The following PLCB1 variants were observed in gnomAD, a reference collection of about 807,000 sequenced individuals.
PLCB1 encodes the protein 1-phosphatidylinositol 4,5-bisphosphate phosphodiesterase beta-1.
PLCB1 carries 46 observed loss-of-function variants against 161.8 expected under a neutral mutation model. The ratio of observed to expected loss-of-function variants is 0.28; its 90% CI spans 0.22 to 0.36. PLCB1 has a LOEUF of 0.36. PLCB1 is among the 10% of genes least tolerant of loss of function. PLCB1 has a pLI of 1.00. For missense variants in PLCB1, 1,016 were observed against 1,472.5 expected (o/e 0.69, Z 5.07); for synonymous variants, 517 against 503.7 (o/e 1.03, Z -0.35).
At chr20:8,864,435 A>G (rs1179436723) in intron 31 of PLCB1, among the ~76,000 whole-genome samples, 1 of 152,132 alleles carries the variant, frequency 6.6e-6, no homozygotes. Context: ...ACATTCTCCT[A>G]CTAGTCTTGG....
chr20:8,866,166 A>G (rs1234156276), intron 31 of PLCB1, among the ~76,000 whole-genome samples: 1 of 152,240 alleles, frequency 6.6e-6, no homozygotes, highest in Non-Finnish European at 1.5e-5. Flanking sequence ...GCACAGTTAC[A>G]TCACCACACT....
chr20:8,527,035 T>C (rs939522580), intron 3 of PLCB1, among the ~76,000 whole-genome samples: 5 of 152,066 alleles, frequency 3.3e-5, no homozygotes, highest in Admixed American at 1.3e-4. Flanking sequence ...TGGTCTCTAG[T>C]GTAGTTATGG....
chr20:8,381,302 G>A (rs994301708), intron 3 of PLCB1, among the ~76,000 whole-genome samples: 6 of 152,164 alleles, frequency 3.9e-5, no homozygotes, highest in East Asian at 3.8e-4. Flanking sequence ...TGTCTTGATC[G>A]TAGTGGATAA....
chr20:8,672,567 T>C (rs1600241224), intron 9 of PLCB1, among the ~76,000 whole-genome samples: 1 of 152,224 alleles, frequency 6.6e-6, no homozygotes. Flanking sequence ...GGGCATTTCC[T>C]AGCTAACCAT....
At chr20:8,523,496 C>CTCTCTCTCTATATATATATATA in intron 3 of PLCB1, among the ~76,000 whole-genome samples, 17 of 51,652 alleles carry the variant, frequency 3.3e-4, no homozygotes, top group Non-Finnish European at 4.9e-4. Flanking sequence ...CTCTCTCTCT[C>CTCTCTCTCTATATATATATATA]TATATATATA....
chr20:8,832,842 G>T (rs914341620), intron 31 of PLCB1, among the ~76,000 whole-genome samples: 39 of 152,136 alleles, frequency 2.6e-4, no homozygotes, highest in Non-Finnish European at 1.2e-4. Context: ...CCCTGCGAGG[G>T]TTTAGTTGTC....
At chr20:8,382,221 T>C (rs988599242) in intron 3 of PLCB1, among the ~76,000 whole-genome samples, 1 of 151,996 alleles carries the variant, frequency 6.6e-6, no homozygotes, top group African/African-American at 2.4e-5. Context: ...TACCCAGGAG[T>C]CATTCAGGAG....
rs959542952 is a variant in PLCB1 at position 8,761,967 on chromosome 20, G to A, written c.2710+1507G>A. Among the ~76,000 whole-genome samples the A allele has an allele frequency of 8.7e-5, 12 of 137,540 alleles. No homozygotes were observed. In the South Asian group the frequency reaches 1.1e-3, roughly 13 times the overall value. 90.2% of individuals were successfully genotyped at this position (137,540 alleles called of 152,430 possible). ...CTCACGCCTGTAATCCCAGTACCTG[G>A]GGAGGCCAAGGGGGGGGCGGATCAC... On this transcript the variant is annotated intron_variant, in intron 25 of 31. Coordinates refer to ENST00000338037, the MANE Select transcript of PLCB1 (RefSeq NM_015192.4).
intron 12 of PLCB1, among the ~76,000 whole-genome samples, chr20:8,708,968 T>C (rs1978844582): frequency 6.6e-6 from 1 of 152,202 alleles, no homozygotes; most frequent in African/African-American, 2.4e-5. Flanking sequence ...TTTCATACCA[T>C]AGTATGGTTT....
chr20:8,232,413 T>A (rs903707390), intron 2 of PLCB1, among the ~76,000 whole-genome samples: 3 of 152,146 alleles, frequency 2.0e-5, no homozygotes. Flanking sequence ...ATTCTTGATT[T>A]GAAAGCTGTA....
intron 2 of PLCB1, among the ~76,000 whole-genome samples, chr20:8,180,013 T>C (rs752752153): frequency 6.0e-5 from 9 of 151,226 alleles, no homozygotes; most frequent in East Asian, 1.9e-4. Context: ...TGCCCGCCAC[T>C]ACGCCCGGCT....
At chr20:8,329,908 C>A (rs1271866537) in intron 2 of PLCB1, among the ~76,000 whole-genome samples, 1 of 152,158 alleles carries the variant, frequency 6.6e-6, no homozygotes, top group African/African-American at 2.4e-5. Context: ...ATGTGTATTT[C>A]TATAGGCGTT....
intron 3 of PLCB1, among the ~76,000 whole-genome samples, chr20:8,444,307 G>A (rs569454181): frequency 1.1e-4 from 16 of 151,288 alleles, no homozygotes; most frequent in Non-Finnish European, 1.8e-4. Flanking sequence ...TTTTGTCCTT[G>A]CGATAGTTTG....
intron 2 of PLCB1, among the ~76,000 whole-genome samples, chr20:8,246,024 G>A (rs1980858661): frequency 6.6e-6 from 1 of 151,868 alleles, no homozygotes; most frequent in African/African-American, 2.4e-5. Context: ...CAAATATGAT[G>A]TTCACCGTAC....
intron 2 of PLCB1, among the ~76,000 whole-genome samples, chr20:8,280,106 C>G (rs938553440): frequency 6.6e-6 from 1 of 152,092 alleles, no homozygotes; most frequent in South Asian, 2.1e-4. Flanking sequence ...GAGGCTGAGG[C>G]GGGCGGATCA....
intron 2 of PLCB1, among the ~76,000 whole-genome samples, chr20:8,356,436 G>T (rs777214134): frequency 1.2e-4 from 19 of 152,132 alleles, no homozygotes; most frequent in Non-Finnish European, 1.8e-4. Context: ...ATGTGATGCT[G>T]CTGGTCCAGG....
chr20:8,695,559 G>C (rs1029413779), intron 10 of PLCB1, among the ~76,000 whole-genome samples: 3 of 152,134 alleles, frequency 2.0e-5, no homozygotes, highest in African/African-American at 7.2e-5. Context: ...AAAATTAGTT[G>C]AGCATGCTCG....
At chr20:8,637,552 T>TA (rs1988801436) in intron 4 of PLCB1, among the ~76,000 whole-genome samples, 1 of 152,160 alleles carries the variant, frequency 6.6e-6, no homozygotes, top group Admixed American at 6.5e-5. Context: ...AAAAAAAAGT[T>TA]AAAGTAGAAG....
At chr20:8,640,420 A>T (rs1185061629) in intron 4 of PLCB1, among the ~76,000 whole-genome samples, 1 of 152,204 alleles carries the variant, frequency 6.6e-6, no homozygotes, top group Non-Finnish European at 1.5e-5. Context: ...TTTGTAATGA[A>T]CAACGATATC....
Sources: gnomAD v4.1 joint callset for allele counts (sites outside exome capture counted in the v4.1 genomes callset) on GRCh38, gnomAD v4.1.1 for gene constraint, MANE v1.5 for transcripts, NCBI Gene and HGNC (gene_info 2026-07-23, HGNC 2026-07-21) for gene names.